IGSF21: variants seen among roughly 807,000 people sequenced by gnomAD.
The protein encoded by IGSF21 is immunoglobulin superfamily member 21.
Under a neutral mutation model 46.8 loss-of-function variants are expected in IGSF21, and 28 were observed. The ratio of observed to expected loss-of-function variants is 0.60; its 90% CI spans 0.44 to 0.82. The LOEUF is 0.82. Among genes scored for constraint, IGSF21 ranks in the 40% least tolerant of loss-of-function variants. The pLI is 0.00. For synonymous variants in IGSF21, 284 were observed against 273.6 expected (o/e 1.04, Z -0.38); for missense variants, 624 against 665.5 (o/e 0.94, Z 0.69).
intron 4 of IGSF21, among the ~76,000 whole-genome samples, chr1:18,352,999 T>C (rs1165422757): frequency 6.6e-6 from 1 of 151,976 alleles, no homozygotes; most frequent in African/African-American, 2.4e-5. Flanking sequence ...GGAGCTCCCA[T>C]GGCCGCTTTC....
In IGSF21 at chr1:18,248,910, A is replaced by C. The variant is rs566362175; in HGVS notation, c.183+20900A>C. On this transcript the variant is annotated intron_variant, in intron 2 of 9. Coordinates refer to ENST00000251296, the MANE Select transcript of IGSF21 (RefSeq NM_032880.5). Reference sequence around the variant, plus strand: ...GGGGTACATAGCATGGACCCCCCCAAGCCAGACTCGAGTGGTCAAGGTTGG... The same window carrying C: ...GGGGTACATAGCATGGACCCCCCCACGCCAGACTCGAGTGGTCAAGGTTGG... Among the ~76,000 whole-genome samples the C allele has an allele frequency of 1.4e-3, 217 of 152,244 alleles. 1 individual carries two copies. The highest frequency in any genetic ancestry group is 4.5e-3 in the Admixed American group (69 of 15,294).
At chr1:18,258,063 G>A (rs1010444244) in intron 2 of IGSF21, among the ~76,000 whole-genome samples, 1 of 152,186 alleles carries the variant, frequency 6.6e-6, no homozygotes, top group East Asian at 1.9e-4. Context: ...CAATGTGCAG[G>A]AGGTAGCAGC....
intron 2 of IGSF21, among the ~76,000 whole-genome samples, chr1:18,254,786 G>A (rs895763073): frequency 2.0e-5 from 3 of 152,142 alleles, no homozygotes; most frequent in Non-Finnish European, 4.4e-5. Flanking sequence ...CAGAAACTTT[G>A]TCAATGCTTA....
intron 5 of IGSF21, among the ~76,000 whole-genome samples, chr1:18,362,935 C>T (rs1020352919): frequency 3.3e-5 from 5 of 152,130 alleles, no homozygotes; most frequent in East Asian, 1.9e-4. Context: ...ATGCCCCCTC[C>T]CCACTTCTGC....
At chr1:18,228,360 G>A (rs527807548) in intron 2 of IGSF21, among the ~76,000 whole-genome samples, 4 of 152,274 alleles carry the variant, frequency 2.6e-5, no homozygotes, top group East Asian at 1.9e-4. Context: ...ATGAGGCTTC[G>A]GATAATGTTT....
intron 2 of IGSF21, among the ~76,000 whole-genome samples, chr1:18,249,105 C>A (rs1196404971): frequency 6.6e-6 from 1 of 152,154 alleles, no homozygotes; most frequent in South Asian, 2.1e-4. Flanking sequence ...GGATAGCAGC[C>A]AGAGAGGTGG....
At chr1:18,184,530 C>T (rs557292470) in intron 1 of IGSF21, among the ~76,000 whole-genome samples, 13 of 152,284 alleles carry the variant, frequency 8.5e-5, no homozygotes, top group South Asian at 2.1e-4. Context: ...GGACTCCCAC[C>T]GCACACGGGC....
At chr1:18,190,990 T>C (rs2086950901) in intron 1 of IGSF21, among the ~76,000 whole-genome samples, 1 of 152,160 alleles carries the variant, frequency 6.6e-6, no homozygotes, top group Admixed American at 6.5e-5. Context: ...GAATGGACCA[T>C]GGCAGATTCC....
chr1:18,133,711 G>A (rs75675792), intron 1 of IGSF21, among the ~76,000 whole-genome samples: 2,314 of 152,288 alleles, frequency 0.015, 28 homozygotes, highest in Middle Eastern at 0.027. Context: ...CCCCTGCCTC[G>A]GTTTATAATG....
intron 4 of IGSF21, among the ~76,000 whole-genome samples, chr1:18,341,000 C>CT (rs1324257303): frequency 7.9e-4 from 70 of 88,238 alleles, no homozygotes; most frequent in Middle Eastern, 5.6e-3. Flanking sequence ...TCTTCTCCTC[C>CT]TCCTCCTTCT....
intron 4 of IGSF21, among the ~76,000 whole-genome samples, chr1:18,350,801 C>T (rs906098578): frequency 4.6e-5 from 7 of 152,284 alleles, no homozygotes; most frequent in East Asian, 1.9e-4. Context: ...AATCCTAAAA[C>T]GCTGATAGGA....
chr1:18,260,999 T>C (rs2084941914), intron 2 of IGSF21, among the ~76,000 whole-genome samples: 1 of 152,192 alleles, frequency 6.6e-6, no homozygotes, highest in South Asian at 2.1e-4. Flanking sequence ...GGACATCGCT[T>C]TGCCTCGAGA....
intron 1 of IGSF21, among the ~76,000 whole-genome samples, chr1:18,168,135 G>A (rs1267852321): frequency 1.3e-5 from 2 of 152,098 alleles, no homozygotes; most frequent in African/African-American, 2.4e-5. Flanking sequence ...GTGAAGACAC[G>A]TTAAACCCTC....
At chr1:18,121,306 GAGTA>G (rs1412010038) in intron 1 of IGSF21, among the ~76,000 whole-genome samples, 1 of 152,186 alleles carries the variant, frequency 6.6e-6, no homozygotes, top group African/African-American at 2.4e-5. Flanking sequence ...GGAGCTCAGG[GAGTA>G]GCTGGCTTCT....
intron 3 of IGSF21, among the ~76,000 whole-genome samples, chr1:18,331,213 G>A (rs1021742441): frequency 3.3e-5 from 5 of 152,040 alleles, no homozygotes; most frequent in African/African-American, 1.2e-4. Flanking sequence ...CCCATCACCC[G>A]AGCAGTATGC....
At chr1:18,268,700 C>T (rs1190620682) in intron 2 of IGSF21, among the ~76,000 whole-genome samples, 1 of 152,180 alleles carries the variant, frequency 6.6e-6, no homozygotes, top group Non-Finnish European at 1.5e-5. Flanking sequence ...GCAATTTATT[C>T]CTCTGCAGAT....
intron 3 of IGSF21, among the ~76,000 whole-genome samples, chr1:18,304,196 T>C (rs1020207365): frequency 1.3e-5 from 2 of 152,170 alleles, no homozygotes; most frequent in Non-Finnish European, 2.9e-5. Context: ...GGCTCCTTCC[T>C]GAGAAGAGGT....
Position 18,199,841 on chromosome 1 carries a change from G to C in IGSF21, c.71-28057G>C, listed in dbSNP as rs116592224. 2.4e-3 allele frequency among the ~76,000 whole-genome samples: 363 copies of C among 152,214 alleles called. 2 individuals are homozygous for C. The highest frequency in any genetic ancestry group is 8.0e-3 in the African/African-American group (333 of 41,542). On this transcript the variant is annotated intron_variant, in intron 1 of 9. Transcript: ENST00000251296. ...GGAGCTCAGAGCCCCTCCCCGCTTC[G>C]TCAGATAAGGTGCTCTTGCTTGGGG...
chr1:18,312,579 C>A (rs968751156), intron 3 of IGSF21, among the ~76,000 whole-genome samples: 2 of 152,214 alleles, frequency 1.3e-5, no homozygotes, highest in Non-Finnish European at 2.9e-5. Flanking sequence ...AGAGCCCACC[C>A]ACATACCTTG....
Sources: allele counts gnomAD v4.1 joint callset (sites outside exome capture counted in the v4.1 genomes callset), GRCh38; gene constraint gnomAD v4.1.1; transcripts MANE v1.5; gene names NCBI Gene and HGNC (gene_info 2026-07-23, HGNC 2026-07-21).